PCLO: variants seen among roughly 807,000 people sequenced by gnomAD.
PCLO encodes piccolo presynaptic cytomatrix protein, also known as protein piccolo.
A neutral mutation model predicts 427.5 loss-of-function variants in PCLO; 82 were observed. That is an observed-to-expected ratio of 0.19 (90% confidence interval 0.16 to 0.23). PCLO has a LOEUF of 0.23. PCLO is among the 10% of genes least tolerant of loss of function. PCLO has a pLI of 1.00. For synonymous variants in PCLO, 2,357 were observed against 2,155.4 expected, an observed-to-expected ratio of 1.09 and a Z score of -2.59; for missense variants, 6,239 against 6,115.9, an observed-to-expected ratio of 1.02 and a Z score of -0.67.
intron 3 of PCLO, among the ~76,000 whole-genome samples, chr7:82,989,706 GAC>G (rs1796335255): frequency 6.6e-6 from 1 of 152,084 alleles, no homozygotes. Context: ...AATCTCTGTA[GAC>G]AGTGAGATGC....
chr7:82,913,069 CAT>C (rs1306167740), intron 7 of PCLO, among the ~76,000 whole-genome samples: 1 of 151,984 alleles, frequency 6.6e-6, no homozygotes, highest in Admixed American at 6.6e-5. Context: ...ACTGTTCCCA[CAT>C]GATATCACAA....
At chr7:83,048,157 T>G (rs543522115) in intron 3 of PCLO, among the ~76,000 whole-genome samples, 4 of 152,236 alleles carry the variant, frequency 2.6e-5, no homozygotes, top group Admixed American at 2.6e-4. Context: ...TTTATATTCA[T>G]CTGTCTTGTT....
At chr7:82,762,467 G>A (rs1790451175) in intron 22 of PCLO, among the ~76,000 whole-genome samples, 2 of 151,862 alleles carry the variant, frequency 1.3e-5, no homozygotes, top group Admixed American at 6.6e-5. Flanking sequence ...CTTTAAACAT[G>A]GCTGTAGATA....
At chr7:83,161,090 T>C (rs994564096) in intron 1 of PCLO, among the ~76,000 whole-genome samples, 1 of 152,164 alleles carries the variant, frequency 6.6e-6, no homozygotes, top group African/African-American at 2.4e-5. Context: ...GTACTAGTAG[T>C]TTCAAGATAA....
chr7:83,125,439 C>T (rs1369262393), intron 3 of PCLO, among the ~76,000 whole-genome samples: 1 of 152,102 alleles, frequency 6.6e-6, no homozygotes, highest in African/African-American at 2.4e-5. Flanking sequence ...GTGGTTTTGT[C>T]GAATAGAAAA....
At chr7:82,815,563 T>C (rs1791661840) in intron 20 of PCLO, among the ~76,000 whole-genome samples, 1 of 152,112 alleles carries the variant, frequency 6.6e-6, no homozygotes, top group Non-Finnish European at 1.5e-5. Flanking sequence ...TACATGGTTT[T>C]CAATTTGAAA....
chr7:82,954,166 C>T lies in PCLO; in HGVS notation c.6787G>A (p.Val2263Ile), dbSNP rs771579402. 6 of 1,613,670 alleles carry T rather than the reference C, an allele frequency of 3.7e-6. No individual in the cohort carries two copies. In the African/African-American group the frequency reaches 4.0e-5, roughly 11 times the overall value. Residue 2263 changes from valine to isoleucine, a missense_variant, in exon 5 of 25, where the codon GTT (valine) becomes ATT (isoleucine). Coordinates refer to ENST00000333891, the MANE Select transcript of PCLO (RefSeq NM_033026.6). Reference sequence around the variant, plus strand: ...GATGCCATATCAGATAAGGAAATAACAATATGATCAGCACTAGCTCTACCA... The same window carrying T: ...GATGCCATATCAGATAAGGAAATAATAATATGATCAGCACTAGCTCTACCA... The part of the protein sequence containing the change: ...PDGRASADHI[V>I]ISLSDMASSI...
chr7:82,970,329 T>C (rs1295913917), intron 3 of PCLO, among the ~76,000 whole-genome samples: 3 of 151,988 alleles, frequency 2.0e-5, no homozygotes, highest in Non-Finnish European at 4.4e-5. Context: ...TGAAGGTTTC[T>C]GTAAAGGAGT....
intron 21 of PCLO, 52 bp from the exon 22 acceptor site, chr7:82,801,643 A>G: frequency 9.4e-7 from 1 of 1,059,490 alleles, no homozygotes; most frequent in South Asian, 1.4e-5. Flanking sequence ...TCATGAATGC[A>G]AAAGAGGCTA....
At chr7:82,881,169 G>C (rs1397672636) in intron 9 of PCLO, among the ~76,000 whole-genome samples, 1 of 152,144 alleles carries the variant, frequency 6.6e-6, no homozygotes, top group African/African-American at 2.4e-5. Context: ...TTGAGGCCAG[G>C]AGTTCAAGAC....
chr7:82,812,328 C>A (rs190417487), intron 20 of PCLO, among the ~76,000 whole-genome samples: 1 of 151,312 alleles, frequency 6.6e-6, no homozygotes, highest in Non-Finnish European at 1.5e-5. Flanking sequence ...ACTAATAGCA[C>A]GGTATAGAGG....
At chr7:82,811,563 T>C (rs1273400780) in intron 20 of PCLO, among the ~76,000 whole-genome samples, 1 of 151,688 alleles carries the variant, frequency 6.6e-6, no homozygotes, top group African/African-American at 2.4e-5. Flanking sequence ...TTGAATTATG[T>C]ACAATCACAC....
rs147378547 is a variant in PCLO at position 83,050,106 on chromosome 7, G to T, written c.3301-83619C>A. Among the ~76,000 whole-genome samples, 362 of 148,238 alleles carry T rather than the reference G, an allele frequency of 2.4e-3. 2 individuals are homozygous for T. The highest frequency in any genetic ancestry group is 8.6e-3 in the African/African-American group (345 of 40,146). On this transcript the variant is annotated intron_variant, in intron 3 of 24. Coordinates refer to ENST00000333891, the MANE Select transcript of PCLO (RefSeq NM_033026.6). ...CAATCATTAATATTGTGTGATGGTTGAGGGCTTGAGTCTTTAGGTGAGGCA... is the reference window on the plus strand; with the variant it reads ...CAATCATTAATATTGTGTGATGGTTTAGGGCTTGAGTCTTTAGGTGAGGCA...
intron 22 of PCLO, among the ~76,000 whole-genome samples, chr7:82,779,747 T>TTTC (rs10684044): frequency 6.9e-5 from 2 of 29,154 alleles, no homozygotes; most frequent in Non-Finnish European, 1.3e-4. Flanking sequence ...TCTTTCTTTC[T>TTTC]TTTTTTTTTT....
chr7:83,000,892 A>C (rs1301931314), intron 3 of PCLO, among the ~76,000 whole-genome samples: 2 of 152,104 alleles, frequency 1.3e-5, no homozygotes, highest in Admixed American at 1.3e-4. Context: ...AATAATAGTA[A>C]TAATGTATTC....
At position 82,916,599 on chromosome 7, in the gene PCLO, G is replaced by A. The variant is rs1435426586; in HGVS notation, c.11387C>T (p.Ala3796Val). ...TCCCATTTCCAGGTATCGTAGCTTAGCATCAATCTCCTTTTCTTCTTCATC... is the reference window on the plus strand; with the variant it reads ...TCCCATTTCCAGGTATCGTAGCTTAACATCAATCTCCTTTTCTTCTTCATC... ...ELDEEEKEIDAKLRYLEMGIN... is the reference protein window; with the variant it reads ...ELDEEEKEIDVKLRYLEMGIN... The change falls in exon 7 of 25, where the codon GCT becomes GTT. Residue 3796 changes from alanine (A) to valine (V), a missense_variant. Ala to Val is a moderately conservative substitution (Grantham distance 64). Around this residue, in one of 5 missense-constraint regions of PCLO, gnomAD observed 3 missense variants for 25.1 expected, o/e 0.12. Transcript: ENST00000333891. 1 of 1,613,600 alleles carries A rather than the reference G, an allele frequency of 6.2e-7. No homozygotes were observed. The highest frequency in any genetic ancestry group is 1.7e-5 in the Admixed American group (1 of 59,936).
At chr7:82,813,044 C>T (rs570541944) in intron 20 of PCLO, among the ~76,000 whole-genome samples, 2 of 151,744 alleles carry the variant, frequency 1.3e-5, no homozygotes, top group South Asian at 2.1e-4. Context: ...ACTTACATCA[C>T]GACTGCTTAG....
chr7:83,048,486 C>T (rs765502628), intron 3 of PCLO, among the ~76,000 whole-genome samples: 17 of 151,948 alleles, frequency 1.1e-4, no homozygotes, highest in Non-Finnish European at 1.8e-4. Flanking sequence ...TGGTTAATTG[C>T]GGTTTCATCC....
chr7:82,850,184 T>A (rs1792614034), intron 10 of PCLO, among the ~76,000 whole-genome samples: 3 of 151,978 alleles, frequency 2.0e-5, no homozygotes, highest in Admixed American at 1.3e-4. Flanking sequence ...AGTTTTTGCA[T>A]TTTTAGTAGA....
Sources: allele counts gnomAD v4.1 joint callset (sites outside exome capture counted in the v4.1 genomes callset), GRCh38; gene constraint gnomAD v4.1.1; regional missense constraint gnomAD v4.1.1; transcripts MANE v1.5; gene names NCBI Gene and HGNC (gene_info 2026-07-23, HGNC 2026-07-21).